The following SLC4A5 variants were observed in gnomAD, a reference collection of about 807,000 sequenced individuals.
SLC4A5 encodes electrogenic sodium bicarbonate cotransporter 4.
Under a neutral mutation model 120.4 loss-of-function variants are expected in SLC4A5, and 96 were observed. The observed-to-expected ratio is 0.80, with a 90% CI of 0.68 to 0.94. The LOEUF is 0.94. SLC4A5 is among the 40% of genes least tolerant of loss of function. The probability of loss-of-function intolerance (pLI) is 0.00; values close to 1 mark genes in which losing one functional copy is unlikely to be tolerated. For missense variants in SLC4A5, 1,259 were observed against 1,459.5 expected, an observed-to-expected ratio of 0.86 and a Z score of 2.24; for synonymous variants, 550 against 571.1, an observed-to-expected ratio of 0.96 and a Z score of 0.53.
chr2:74,239,314 C>T (rs1453863329), intron 21 of SLC4A5, 21 bp downstream of exon 21: 4 of 1,612,884 alleles, frequency 2.5e-6, no homozygotes, highest in Non-Finnish European at 2.5e-6. Context: ...AGGTCCCCTC[C>T]TAACTGCAGG....
At chr2:74,277,322 G>A (rs1006404304) in intron 8 of SLC4A5, among the ~76,000 whole-genome samples, 1 of 152,178 alleles carries the variant, frequency 6.6e-6, no homozygotes, top group African/African-American at 2.4e-5. Context: ...GGCTGAGGCG[G>A]GTGGATCACC....
intron 19 of SLC4A5, 127 bp from the exon 20 acceptor site, chr2:74,242,179 C>T (rs535599049): frequency 8.3e-6 from 6 of 725,404 alleles, no homozygotes; most frequent in Non-Finnish European, 1.3e-5. Flanking sequence ...GAGGGCAGCT[C>T]CCTCTCCACC....
intron 21 of SLC4A5, among the ~76,000 whole-genome samples, chr2:74,237,763 T>C (rs1056038308): frequency 1.1e-4 from 16 of 152,148 alleles, no homozygotes; most frequent in African/African-American, 3.9e-4. Flanking sequence ...GCTGTTTTCA[T>C]AAATCTTTTA....
intron 19 of SLC4A5, among the ~76,000 whole-genome samples, chr2:74,245,240 A>G (rs969265206): frequency 4.1e-4 from 63 of 152,082 alleles, no homozygotes; most frequent in African/African-American, 1.5e-3. Flanking sequence ...AATCGCTTGA[A>G]CCCAGGAGGC....
At chr2:74,219,227 G>A (rs1169470363) in intron 30 of SLC4A5, among the ~76,000 whole-genome samples, 2 of 139,022 alleles carry the variant, frequency 1.4e-5, no homozygotes, top group African/African-American at 5.6e-5. Flanking sequence ...GTGTTTGTGT[G>A]TGTTTTCAAA....
chr2:74,229,813 T>C (rs1347597711), intron 25 of SLC4A5, among the ~76,000 whole-genome samples: 1 of 152,178 alleles, frequency 6.6e-6, no homozygotes. Context: ...ATATTTTCCA[T>C]TGTAAATACA....
At chr2:74,322,431 G>C (rs1361994098) in intron 5 of SLC4A5, among the ~76,000 whole-genome samples, 3 of 152,074 alleles carry the variant, frequency 2.0e-5, no homozygotes, top group African/African-American at 7.2e-5. Context: ...ATTGATTATA[G>C]TTACATTTAT....
chr2:74,230,810 C>CT (rs951550432), intron 25 of SLC4A5, among the ~76,000 whole-genome samples: 19 of 151,720 alleles, frequency 1.3e-4, no homozygotes, highest in South Asian at 2.1e-4. Flanking sequence ...TCTTTTCTTT[C>CT]TTTTTTTTGT....
chr2:74,236,380 T>TC (rs1670269309), intron 21 of SLC4A5, among the ~76,000 whole-genome samples: 1 of 152,194 alleles, frequency 6.6e-6, no homozygotes, highest in African/African-American at 2.4e-5. Context: ...AACATCTCCT[T>TC]CCATTAGCTT....
chr2:74,281,333 C>T (rs1310227760), intron 8 of SLC4A5, among the ~76,000 whole-genome samples: 1 of 152,250 alleles, frequency 6.6e-6, no homozygotes, highest in African/African-American at 2.4e-5. Flanking sequence ...GGGCCCTCCA[C>T]ACTTGGGTGG....
chr2:74,293,581 C>T (rs554361785), intron 7 of SLC4A5, among the ~76,000 whole-genome samples: 3 of 152,196 alleles, frequency 2.0e-5, no homozygotes, highest in Non-Finnish European at 4.4e-5. Context: ...AGAGAGGAAG[C>T]AGCCTAGAGG....
At chr2:74,290,249 C>T in intron 7 of SLC4A5, 3 of 985,510 alleles carry the variant, frequency 3.0e-6, no homozygotes, top group Non-Finnish European at 3.6e-6. Context: ...ATTACCTGCT[C>T]CCTGGAACAG....
chr2:74,252,375 A>C, exon 16 of SLC4A5: 1 of 1,612,546 alleles, frequency 6.2e-7, no homozygotes, highest in Non-Finnish European at 8.5e-7. Context: ...TCTGCTAGGG[A>C]GAACACAGAT....
chr2:74,332,471 C>A (rs1051757754), intron 4 of SLC4A5, among the ~76,000 whole-genome samples: 12 of 152,182 alleles, frequency 7.9e-5, no homozygotes, highest in Non-Finnish European at 1.5e-4. Context: ...ATACCAGCTC[C>A]TCATGGCTTC....
intron 29 of SLC4A5, among the ~76,000 whole-genome samples, chr2:74,221,736 G>A (rs1428609187): frequency 6.6e-6 from 1 of 152,110 alleles, no homozygotes; most frequent in African/African-American, 2.4e-5. Flanking sequence ...GAGAGAAATA[G>A]GAGTGGGGGA....
In SLC4A5 at chr2:74,227,718, T is replaced by C. The variant is rs553517184; in HGVS notation, c.2916+92A>G. 63 of 1,280,516 alleles carry C rather than the reference T, an allele frequency of 4.9e-5. 1 individual carries two copies. The African/African-American group carries it at 6.3e-4, about 13-fold the overall frequency. 79.3% of individuals were successfully genotyped at this position (1,280,516 alleles called of 1,614,324 possible). The stretch of plus-strand genomic sequence containing the variant: ...ATTGAATTAGGACAATTGGGGACAA[T>C]TGGGACAACTGAATTGGGGGTCTTG... On this transcript the variant is annotated intron_variant, in intron 26 of 30. Transcript: ENST00000394019.
At chr2:74,308,522 T>C (rs1017916756) in intron 6 of SLC4A5, among the ~76,000 whole-genome samples, 6 of 152,264 alleles carry the variant, frequency 3.9e-5, no homozygotes, top group Non-Finnish European at 8.8e-5. Flanking sequence ...GTATATCTTC[T>C]TTGATGAGGT....
chr2:74,227,319 C>T (rs1404235753), intron 26 of SLC4A5, among the ~76,000 whole-genome samples, 189 bp from the exon 27 acceptor site: 3 of 152,148 alleles, frequency 2.0e-5, no homozygotes, highest in African/African-American at 7.2e-5. Context: ...AGAAAGGGTC[C>T]TGAGCCCTGG....
chr2:74,251,716 G>C (rs1489011475), intron 16 of SLC4A5, among the ~76,000 whole-genome samples: 1 of 152,160 alleles, frequency 6.6e-6, no homozygotes, highest in East Asian at 1.9e-4. Context: ...GCAGAGCCGG[G>C]GGTGATGCGG....
Sources: gnomAD v4.1 joint callset for allele counts (sites outside exome capture counted in the v4.1 genomes callset) on GRCh38, gnomAD v4.1.1 for gene constraint, MANE v1.5 for transcripts, NCBI Gene and HGNC (gene_info 2026-07-23, HGNC 2026-07-21) for gene names.